LRP2BP: variants seen among roughly 807,000 people sequenced by gnomAD.
LRP2BP encodes LRP2 binding protein, also known as LRP2-binding protein.
LRP2BP carries 38 observed loss-of-function variants against 45.2 expected under a neutral mutation model. The observed-to-expected ratio is 0.84, with a 90% CI of 0.65 to 1.10. The LOEUF is 1.10. LRP2BP is among the 50% of genes least tolerant of loss of function. The pLI, the probability that LRP2BP is intolerant of heterozygous loss-of-function variation, is 0.00. For missense variants in LRP2BP, 385 were observed against 418.9 expected, an observed-to-expected ratio of 0.92 and a Z score of 0.71; for synonymous variants, 153 against 153.9, an observed-to-expected ratio of 0.99 and a Z score of 0.04.
rs377167355 is a variant in LRP2BP at position 185,378,091 on chromosome 4, C to T, written c.96G>A (p.Lys32=). The change falls in exon 2 of 9, where the codon AAG becomes AAA. Residue 32 remains lysine, a synonymous_variant. Coordinates refer to ENST00000505916, the MANE Select transcript of LRP2BP (RefSeq NM_001377440.1). The part of the protein sequence containing the change: ...AKNQKFFQWK[K]EKTDYTHANL... Reference sequence around the variant, plus strand: ...TATCAGGATTTGTACCAGTCTTTTCCTTTTTCCACTGGAAAAATTTTTGGT... The same window carrying T: ...TATCAGGATTTGTACCAGTCTTTTCTTTTTTCCACTGGAAAAATTTTTGGT... The T allele has an allele frequency of 8.1e-6, 13 of 1,612,586 alleles. No homozygotes were observed. The highest frequency in any genetic ancestry group is 1.7e-5 in the Admixed American group (1 of 59,842).
rs992626979 is a variant in LRP2BP at position 185,366,259 on chromosome 4, T to C, written c.*921A>G. ...GAAAGCCTTTTGCTAATTTTAACAA[T>C]ATTTAATTGTAGTTCTTGTAAATGA... is the stretch of plus-strand genomic sequence containing the variant. On this transcript the variant is annotated 3_prime_UTR_variant, in exon 9 of 9. Transcript: ENST00000505916. 6.6e-6 allele frequency: 1 copy of C among 152,236 alleles called. No homozygotes were observed. The highest frequency in any genetic ancestry group is 2.4e-5 in the African/African-American group (1 of 41,466). 9.4% of individuals were successfully genotyped at this position (152,236 alleles called of 1,614,324 possible).
chr4:185,391,552 A>C (rs934594063), intron 1 of LRP2BP, among the ~76,000 whole-genome samples: 1 of 152,196 alleles, frequency 6.6e-6, no homozygotes, highest in African/African-American at 2.4e-5. Flanking sequence ...AGACTCATGG[A>C]TAACTATGTA....
chr4:185,385,906 G>GC (rs1554020216), intron 1 of LRP2BP, among the ~76,000 whole-genome samples: 3 of 21,750 alleles, frequency 1.4e-4, no homozygotes, highest in Non-Finnish European at 3.8e-4. Flanking sequence ...GTCTCGGGGA[G>GC]GGGGGGGGGG....
chr4:185,396,817 A>G, upstream of LRP2BP: 3 of 1,264,666 alleles, frequency 2.4e-6, no homozygotes, highest in Non-Finnish European at 3.4e-6. Context: ...CGGTCTTTAA[A>G]TTCTCCCGTG....
intron 1 of LRP2BP, among the ~76,000 whole-genome samples, chr4:185,384,286 G>A (rs1057188083): frequency 6.6e-6 from 1 of 152,162 alleles, no homozygotes; most frequent in Non-Finnish European, 1.5e-5. Context: ...ATCTGCCAGT[G>A]CCTTGATTTT....
chr4:185,388,803 C>T (rs1561093284), intron 1 of LRP2BP, among the ~76,000 whole-genome samples: 1 of 94,664 alleles, frequency 1.1e-5, no homozygotes, highest in Non-Finnish European at 2.9e-5. Context: ...AATGTGTTAA[C>T]ATCCTACTCA....
intron 1 of LRP2BP, among the ~76,000 whole-genome samples, chr4:185,385,540 A>C (rs1257906726): frequency 1.3e-5 from 2 of 152,194 alleles, no homozygotes; most frequent in South Asian, 4.1e-4. Flanking sequence ...TAAAATATTC[A>C]TTTGCAGCCC....
intron 1 of LRP2BP, among the ~76,000 whole-genome samples, chr4:185,393,485 C>T (rs895566244): frequency 1.3e-5 from 2 of 151,572 alleles, no homozygotes; most frequent in Non-Finnish European, 2.9e-5. Context: ...ATAATTTTCA[C>T]CTGGCACAAT....
rs2095434966 is a variant in LRP2BP at position 185,375,651 on chromosome 4, C to A, written c.292G>T (p.Val98Leu). ...GTCCCCAGCCCATCATAGTACATCA[C>A]TCCTAGCTGGTAAGTTGCTTGATGG... ...KDHQATYQLG[V>L]MYYDGLGTTL... is the part of the protein sequence containing the mutation. Residue 98 changes from valine to leucine, a missense_variant, in exon 4 of 9, where the codon GTG (valine) becomes TTG (leucine). Physicochemically the swap from Val to Leu is conservative, Grantham distance 32. Transcript: ENST00000505916. The A allele has an allele frequency of 6.2e-7, 1 of 1,612,036 alleles. No homozygotes were observed. Among genetic ancestry groups the A allele is most frequent in the Admixed American group, 1.7e-5 (1 of 59,830 alleles).
Position 185,365,332 on chromosome 4 carries a change from T to C in LRP2BP, c.*1848A>G, listed in dbSNP as rs1016646216. ...GTGCTCTTTACTTAGGGCCGATCTTTTATTATGTTCCTATTTTAAGATTCT... is the reference window on the plus strand; with the variant it reads ...GTGCTCTTTACTTAGGGCCGATCTTCTATTATGTTCCTATTTTAAGATTCT... On this transcript the variant is annotated 3_prime_UTR_variant, in exon 9 of 9. Coordinates refer to ENST00000505916, the MANE Select transcript of LRP2BP (RefSeq NM_001377440.1). 7.2e-5 allele frequency: 11 copies of C among 152,086 alleles called. No individual in the cohort carries two copies. The highest frequency in any genetic ancestry group is 1.2e-4 in the Non-Finnish European group (8 of 68,010). The allele number at this position is 152,086 out of a possible 1,614,324, so 9.4% of individuals were successfully genotyped here.
chr4:185,377,107 CTG>C, intron 2 of LRP2BP, 89 bp from the exon 3 acceptor site: 3 of 933,000 alleles, frequency 3.2e-6, no homozygotes, highest in Non-Finnish European at 5.1e-6. Flanking sequence ...CCATCTAACA[CTG>C]TTGACATTCT....
chr4:185,382,487 G>A lies in LRP2BP; in HGVS notation c.-21-4280C>T, dbSNP rs116256165. Among the ~76,000 whole-genome samples, 1,121 of 152,264 alleles carry A rather than the reference G, an allele frequency of 7.4e-3. 6 individuals are homozygous for A. Among genetic ancestry groups the A allele is most frequent in the Non-Finnish European group, 0.012 (784 of 68,010 alleles). ...GTACCATTTCACATCCCTACCAATA[G>A]TGTATAAGGTTCTACATCCTCACCA... On this transcript the variant is annotated intron_variant, in intron 1 of 8. Transcript: ENST00000505916.
In LRP2BP at chr4:185,370,779, A is replaced by G. The variant is rs1194102026; in HGVS notation, c.839T>C (p.Met280Thr). 1.9e-6 allele frequency: 3 copies of G among 1,614,130 alleles called. No individual in the cohort carries two copies. The highest frequency in any genetic ancestry group is 2.2e-5 in the South Asian group (2 of 91,084). ...GAGACAGTCTGTGACCTGGGCGATC[A>G]TGGGGATGTCGTGAACCTCATCATA... ...ADYDEVHDIPMIAQVTDCLPE... is the reference protein window; with the variant it reads ...ADYDEVHDIPTIAQVTDCLPE... Residue 280 changes from methionine to threonine, a missense_variant, in exon 8 of 9, where the codon ATG (methionine) becomes ACG (threonine). Met to Thr is a moderately conservative substitution (Grantham distance 81). Coordinates refer to ENST00000505916, the MANE Select transcript of LRP2BP (RefSeq NM_001377440.1).
At chr4:185,389,170 C>T (rs1300413122) in intron 1 of LRP2BP, among the ~76,000 whole-genome samples, 1 of 151,228 alleles carries the variant, frequency 6.6e-6, no homozygotes, top group Non-Finnish European at 1.5e-5. Flanking sequence ...TGAGCCACTA[C>T]ACCTGGCCTT....
chr4:185,375,040 C>G (rs2095428625), intron 4 of LRP2BP, among the ~76,000 whole-genome samples: 1 of 152,030 alleles, frequency 6.6e-6, no homozygotes, highest in Non-Finnish European at 1.5e-5. Flanking sequence ...GTACCCTCCA[C>G]CCCCAAATCC....
chr4:185,368,073 G>T (rs1014305574), intron 8 of LRP2BP, among the ~76,000 whole-genome samples: 5 of 152,170 alleles, frequency 3.3e-5, no homozygotes, highest in African/African-American at 9.6e-5. Flanking sequence ...AGCTACTCGG[G>T]AGGCTGAGCC....
intron 1 of LRP2BP, 66 bp from the exon 2 acceptor site, chr4:185,378,273 C>G (rs569951061): frequency 1.3e-6 from 2 of 1,564,638 alleles, no homozygotes; most frequent in Middle Eastern, 1.7e-4. Context: ...AAGAGAGACT[C>G]TATTCCCACC....
At chr4:185,384,051 A>G (rs1354314271) in intron 1 of LRP2BP, among the ~76,000 whole-genome samples, 1 of 152,190 alleles carries the variant, frequency 6.6e-6, no homozygotes, top group African/African-American at 2.4e-5. Flanking sequence ...TGCTATGCTT[A>G]GAGTGTGTGT....
At chr4:185,388,784 A>C (rs1207592375) in intron 1 of LRP2BP, among the ~76,000 whole-genome samples, 4 of 147,558 alleles carry the variant, frequency 2.7e-5, no homozygotes, top group African/African-American at 9.8e-5. Flanking sequence ...AATAACTCAA[A>C]TTTCTCAAAA....
Sources: gnomAD v4.1 joint callset for allele counts (sites outside exome capture counted in the v4.1 genomes callset) on GRCh38, gnomAD v4.1.1 for gene constraint, MANE v1.5 for transcripts, NCBI Gene and HGNC (gene_info 2026-07-23, HGNC 2026-07-21) for gene names.